The following MARCHF6 variants were observed in gnomAD, a reference collection of about 807,000 sequenced individuals.
MARCHF6 encodes E3 ubiquitin-protein ligase MARCHF6.
Under a neutral mutation model 133.7 loss-of-function variants are expected in MARCHF6, and 31 were observed. The ratio of observed to expected loss-of-function variants is 0.23; its 90% CI spans 0.17 to 0.31. MARCHF6 has a LOEUF of 0.31. Ranked by LOEUF, MARCHF6 falls within the 10% of genes least tolerant of loss-of-function variation. MARCHF6 has a pLI of 1.00. For synonymous variants in MARCHF6, 395 were observed against 402.5 expected (o/e 0.98, Z 0.22); for missense variants, 723 against 1,121.6 (o/e 0.64, Z 5.08).
intron 1 of MARCHF6, among the ~76,000 whole-genome samples, chr5:10,366,628 A>G (rs1375179270): frequency 6.6e-6 from 1 of 152,208 alleles, no homozygotes; most frequent in Non-Finnish European, 1.5e-5. Flanking sequence ...AGGGGAAGAA[A>G]AAGAGGGCTC....
rs1017490806 is a variant in MARCHF6, at chr5:10,435,084, G to A, written c.*1400G>A. ...TAATTTAGAAGTTCTCATAGAAAGC[G>A]TATAACATAGGTCTTCAGAAACTAT... On this transcript the variant is annotated 3_prime_UTR_variant, in exon 26 of 26. Transcript: ENST00000274140. 3.9e-5 allele frequency: 6 copies of A among 152,540 alleles called. No homozygotes were observed. The highest frequency in any genetic ancestry group is 1.9e-4 in the East Asian group (1 of 5,190). The allele number at this position is 152,540 out of a possible 1,614,324, so 9.4% of individuals were successfully genotyped here.
At position 10,407,216 on chromosome 5, in the gene MARCHF6, AT is replaced by A; in HGVS notation, c.1553+17del. On this transcript the variant is annotated intron_variant, in intron 17 of 25. Transcript: ENST00000274140. The stretch of plus-strand genomic sequence containing the variant: ...CATGCTCTACAGGTAAGTTTTAAAA[AT>A]TTAGAATAGCTTTACTAATTTATCT... 7.1e-7 allele frequency: 1 copy of A among 1,415,670 alleles called. No individual in the cohort carries two copies. Among genetic ancestry groups the A allele is most frequent in the Non-Finnish European group, 9.9e-7 (1 of 1,007,958 alleles). 87.7% of individuals were successfully genotyped at this position (1,415,670 alleles called of 1,614,324 possible).
At chr5:10,367,723 A>G (rs1427089914) in intron 1 of MARCHF6, among the ~76,000 whole-genome samples, 1 of 152,126 alleles carries the variant, frequency 6.6e-6, no homozygotes, top group East Asian at 1.9e-4. Context: ...CTCCTGGGCA[A>G]TCTCCACAAG....
chr5:10,370,271 T>A (rs1265145653), intron 1 of MARCHF6, among the ~76,000 whole-genome samples: 1 of 151,788 alleles, frequency 6.6e-6, no homozygotes, highest in African/African-American at 2.4e-5. Flanking sequence ...CTGCTAATTT[T>A]AAAATTTTAT....
intron 20 of MARCHF6, among the ~76,000 whole-genome samples, chr5:10,414,857 T>C (rs924448593): frequency 2.6e-5 from 4 of 152,228 alleles, no homozygotes; most frequent in African/African-American, 9.6e-5. Flanking sequence ...TAGAGTTTAT[T>C]CCGAACAACT....
intron 4 of MARCHF6, 135 bp downstream of exon 4, chr5:10,382,078 C>G: frequency 2.1e-6 from 2 of 958,276 alleles, no homozygotes; most frequent in Admixed American, 5.2e-5. Flanking sequence ...ATTAGGAAAG[C>G]CTTACTTAGA....
rs1579619076 is a variant in MARCHF6, at chr5:10,425,137, C to G, written c.2374-1253C>G. Among the ~76,000 whole-genome samples the G allele has an allele frequency of 3.3e-5, 5 of 152,274 alleles. No individual in the cohort carries two copies. In the Middle Eastern group the frequency reaches 0.017, roughly 518 times the overall value. On this transcript the variant is annotated intron_variant, in intron 23 of 25. Transcript: ENST00000274140. ...AAGACAGTAGTTAGCCAAGCATGCT[C>G]AAGAAAATCTGTTCAAAAAGTGCCT...
At chr5:10,365,179 G>A (rs1157356258) in intron 1 of MARCHF6, among the ~76,000 whole-genome samples, 2 of 152,162 alleles carry the variant, frequency 1.3e-5, no homozygotes, top group African/African-American at 2.4e-5. Flanking sequence ...AAGGAGGCCA[G>A]AAAGTGCAGT....
In MARCHF6 at chr5:10,394,895, G is replaced by A; in HGVS notation, c.861+110G>A. On this transcript the variant is annotated intron_variant, in intron 9 of 25. Transcript: ENST00000274140. ...GCTCACTGCAACCTCCGTCTCCTGG[G>A]TTCATGCCATTCTCCTGCCTCAGCT... 3 of 634,848 alleles carry A rather than the reference G, an allele frequency of 4.7e-6. No homozygotes were observed. In the South Asian group the frequency reaches 5.4e-5, roughly 12 times the overall value. 39.3% of individuals were successfully genotyped at this position (634,848 alleles called of 1,614,324 possible).
intron 16 of MARCHF6, 32 bp downstream of exon 16, chr5:10,405,709 T>G (rs1407358208): frequency 8.3e-6 from 13 of 1,561,130 alleles, no homozygotes; most frequent in African/African-American, 1.4e-5. Context: ...TTTTTTTTTT[T>G]GAATTAATTG....
chr5:10,417,150 G>T, intron 21 of MARCHF6, 120 bp from the exon 22 acceptor site: 1 of 1,148,008 alleles, frequency 8.7e-7, no homozygotes, highest in South Asian at 1.6e-5. Context: ...ACCAGTCCCC[G>T]TGGATACTGA....
intron 5 of MARCHF6, among the ~76,000 whole-genome samples, chr5:10,387,432 A>G (rs1238442568): frequency 2.6e-5 from 4 of 151,718 alleles, no homozygotes; most frequent in Non-Finnish European, 5.9e-5. Context: ...CCTCCAGAGT[A>G]GCTGGGATTA....
intron 24 of MARCHF6, among the ~76,000 whole-genome samples, chr5:10,427,074 A>T (rs575126203): frequency 6.6e-6 from 1 of 152,330 alleles, no homozygotes; most frequent in South Asian, 2.1e-4. Flanking sequence ...AGCAGCAAAC[A>T]TTATCATCCA....
intron 1 of MARCHF6, 172 bp downstream of exon 1, chr5:10,354,089 G>T: frequency 2.0e-6 from 1 of 506,194 alleles, no homozygotes; most frequent in Non-Finnish European, 3.0e-6. Context: ...CCCTCTGCGC[G>T]CCCCCCGCCG....
chr5:10,369,413 T>G (rs1736324710), intron 1 of MARCHF6, among the ~76,000 whole-genome samples: 1 of 152,344 alleles, frequency 6.6e-6, no homozygotes, highest in Non-Finnish European at 1.5e-5. Context: ...GTTTTTCATG[T>G]CATCCTTCTT....
At chr5:10,430,252 A>G (rs977514144) in intron 25 of MARCHF6, among the ~76,000 whole-genome samples, 7 of 151,126 alleles carry the variant, frequency 4.6e-5, no homozygotes, top group Non-Finnish European at 8.8e-5. Context: ...ATGGAGCTGG[A>G]AAAGACTGGG....
chr5:10,417,376 A>G lies in MARCHF6; in HGVS notation c.2255A>G (p.Asp752Gly). Residue 752 changes from aspartate to glycine, a missense_variant, in exon 22 of 26, where the codon GAT (aspartate) becomes GGT (glycine). This residue lies in a region of MARCHF6 where 492 missense variants were observed against 699.5 expected (regional missense o/e 0.70). Coordinates refer to ENST00000274140, the MANE Select transcript of MARCHF6 (RefSeq NM_005885.4). ...VIVAPLRVPLDQTPLFYPWQD... is the reference protein window; with the variant it reads ...VIVAPLRVPLGQTPLFYPWQD... ...GTGGCTCCCCTGAGGGTTCCCTTGGATCAGACTCCTCTTTTTTATCCATGG... is the reference window on the plus strand; with the variant it reads ...GTGGCTCCCCTGAGGGTTCCCTTGGGTCAGACTCCTCTTTTTTATCCATGG... The G allele has an allele frequency of 6.2e-7, 1 of 1,613,960 alleles. No individual in the cohort carries two copies. Among genetic ancestry groups the G allele is most frequent in the Non-Finnish European group, 8.5e-7 (1 of 1,179,990 alleles).
In MARCHF6 at chr5:10,390,560, C is replaced by T. The variant is rs937534121; in HGVS notation, c.576+60C>T. 1.6e-5 allele frequency: 23 copies of T among 1,457,680 alleles called. No homozygotes were observed. In the African/African-American group the frequency reaches 2.7e-4, roughly 17 times the overall value. The allele number at this position is 1,457,680 out of a possible 1,614,324, so 90.3% of individuals were successfully genotyped here. A position where few individuals can be genotyped will look rare whatever the true frequency, so the allele number is the denominator to read the frequency against. On this transcript the variant is annotated intron_variant, in intron 6 of 25. Transcript: ENST00000274140. ...GTAGGTCATGAGAATTATTGTTTCT[C>T]TCTGAGACTCAAACTCTTGACTTCC...
At chr5:10,407,506 C>T (rs999014715) in intron 17 of MARCHF6, among the ~76,000 whole-genome samples, 1 of 152,166 alleles carries the variant, frequency 6.6e-6, no homozygotes, top group East Asian at 1.9e-4. Flanking sequence ...ATTTGCACAC[C>T]ATTGAAATGT....
Sources: allele counts gnomAD v4.1 joint callset (sites outside exome capture counted in the v4.1 genomes callset), GRCh38; gene constraint gnomAD v4.1.1; regional missense constraint gnomAD v4.1.1; transcripts MANE v1.5; gene names NCBI Gene and HGNC (gene_info 2026-07-23, HGNC 2026-07-21).